The following SERGEF variants were observed in gnomAD, a reference collection of about 807,000 sequenced individuals.
SERGEF encodes secretion regulating guanine nucleotide exchange factor.
In SERGEF, 51 loss-of-function variants were observed where a neutral mutation model predicts 50.0. That is an observed-to-expected ratio of 1.02 (90% CI 0.81 to 1.29). The LOEUF is 1.29. SERGEF is among the 50% of genes most tolerant of loss of function. SERGEF has a pLI of 0.00. For missense variants in SERGEF, 521 were observed against 557.0 expected (o/e 0.94, Z 0.65); for synonymous variants, 205 against 212.4 (o/e 0.97, Z 0.30).
intron 9 of SERGEF, among the ~76,000 whole-genome samples, chr11:17,953,896 C>T (rs1427466649): frequency 3.9e-5 from 6 of 152,206 alleles, no homozygotes; most frequent in Admixed American, 3.9e-4. Context: ...ATCCGGTCCA[C>T]CACTTTGAGG....
At chr11:17,890,254 A>T (rs1851508646) in intron 9 of SERGEF, among the ~76,000 whole-genome samples, 1 of 152,170 alleles carries the variant, frequency 6.6e-6, no homozygotes, top group African/African-American at 2.4e-5. Context: ...ATACAGGAGA[A>T]CTGAGCAAGT....
chr11:17,878,297 T>C, intron 9 of SERGEF, 53 bp from the exon 10 acceptor site: 1 of 1,385,710 alleles, frequency 7.2e-7, no homozygotes, highest in South Asian at 1.3e-5. Flanking sequence ...AGCCAGTATA[T>C]TTTATAATCA....
At chr11:17,944,576 C>T (rs1852620241) in intron 9 of SERGEF, among the ~76,000 whole-genome samples, 1 of 152,150 alleles carries the variant, frequency 6.6e-6, no homozygotes. Context: ...TGGTCACTCT[C>T]CATTTCCTTC....
At chr11:17,798,238 T>G (rs1849603304) in intron 10 of SERGEF, among the ~76,000 whole-genome samples, 1 of 152,108 alleles carries the variant, frequency 6.6e-6, no homozygotes, top group Non-Finnish European at 1.5e-5. Flanking sequence ...TGTCAATCAC[T>G]TTCCCTCTAC....
intron 1 of SERGEF, chr11:18,010,182 T>C (rs936719115): frequency 1.2e-6 from 1 of 825,714 alleles, no homozygotes; most frequent in Non-Finnish European, 1.7e-6. Flanking sequence ...AACAAATACA[T>C]ATATACATAC....
chr11:18,004,949 G>A lies in SERGEF; in HGVS notation c.353-414C>T, dbSNP rs553797985. 1.4e-4 allele frequency among the ~76,000 whole-genome samples: 22 copies of A among 152,304 alleles called. No individual in the cohort carries two copies. In the South Asian group the frequency reaches 4.4e-3, roughly 30 times the overall value. On this transcript the variant is annotated intron_variant, in intron 3 of 10. Transcript: ENST00000265965. ...ACCAACTGGTGAGTTTAGGAGATGG[G>A]ACAGGACATGTGTGGCTTGGCACCT...
chr11:17,911,355 A>T (rs888750226), intron 9 of SERGEF, among the ~76,000 whole-genome samples: 2 of 146,196 alleles, frequency 1.4e-5, no homozygotes, highest in South Asian at 2.1e-4. Flanking sequence ...TAATATATAT[A>T]TTTTATATAT....
chr11:17,844,898 T>TA lies in SERGEF; in HGVS notation c.1048+33309dup, dbSNP rs201938217. 5.4e-3 allele frequency among the ~76,000 whole-genome samples: 731 copies of TA among 135,840 alleles called. 3 individuals carry two copies. Among genetic ancestry groups the TA allele is most frequent in the African/African-American group, 0.013 (472 of 36,160 alleles). The allele number at this position is 135,840 out of a possible 152,430, so 89.1% of individuals were successfully genotyped here. On this transcript the variant is annotated intron_variant, in intron 10 of 10. Transcript: ENST00000265965. ...GTACACTAACAACAGCTAATGAGCT[T>TA]AAAAAAAAACAAAACAAAACAAACA...
intron 9 of SERGEF, among the ~76,000 whole-genome samples, chr11:17,894,378 A>G (rs1433937220): frequency 6.6e-6 from 1 of 152,230 alleles, no homozygotes. Flanking sequence ...TCCACATTTT[A>G]TAGATTAACT....
At chr11:17,799,019 C>T (rs1849616715) in intron 10 of SERGEF, among the ~76,000 whole-genome samples, 1 of 152,170 alleles carries the variant, frequency 6.6e-6, no homozygotes, top group Non-Finnish European at 1.5e-5. Context: ...GCACACAGCA[C>T]CTTCGGATCT....
At chr11:17,820,579 T>C (rs1850062577) in intron 10 of SERGEF, among the ~76,000 whole-genome samples, 1 of 152,196 alleles carries the variant, frequency 6.6e-6, no homozygotes, top group South Asian at 2.1e-4. Flanking sequence ...ATGAGGATGA[T>C]AAAACCTACC....
chr11:17,801,629 G>GA (rs1418480011), intron 10 of SERGEF, among the ~76,000 whole-genome samples: 5 of 152,194 alleles, frequency 3.3e-5, no homozygotes, highest in African/African-American at 1.2e-4. Flanking sequence ...GCTTGGGGGA[G>GA]AAAATCAAGA....
At chr11:18,001,943 T>C (rs1217951563) in intron 4 of SERGEF, 2 of 455,796 alleles carry the variant, frequency 4.4e-6, no homozygotes, top group East Asian at 6.9e-5. Flanking sequence ...GAGTCTTATA[T>C]ACCTTTATGC....
At chr11:17,890,719 A>T (rs1851517354) in intron 9 of SERGEF, among the ~76,000 whole-genome samples, 1 of 152,162 alleles carries the variant, frequency 6.6e-6, no homozygotes, top group Non-Finnish European at 1.5e-5. Flanking sequence ...CACTGCGCCT[A>T]GCTGATTTTT....
At chr11:17,834,940 C>G (rs1213772186) in intron 10 of SERGEF, among the ~76,000 whole-genome samples, 1 of 152,178 alleles carries the variant, frequency 6.6e-6, no homozygotes, top group Non-Finnish European at 1.5e-5. Flanking sequence ...CTGTGTGTGT[C>G]TCCTACCCAC....
chr11:17,938,522 G>A (rs1253904593), intron 9 of SERGEF, among the ~76,000 whole-genome samples: 5 of 151,994 alleles, frequency 3.3e-5, no homozygotes, highest in Non-Finnish European at 5.9e-5. Flanking sequence ...AGCTCCTCAG[G>A]GACCCTAGAC....
chr11:17,949,925 T>C (rs1461711364), intron 9 of SERGEF, among the ~76,000 whole-genome samples: 1 of 152,156 alleles, frequency 6.6e-6, no homozygotes, highest in Non-Finnish European at 1.5e-5. Context: ...TAGGTAGTAG[T>C]TGTCCAAGGA....
At chr11:17,830,430 T>A (rs1590140947) in intron 10 of SERGEF, among the ~76,000 whole-genome samples, 2 of 152,166 alleles carry the variant, frequency 1.3e-5, no homozygotes, top group Admixed American at 1.3e-4. Flanking sequence ...ATAATAGACG[T>A]TTATTGGTTT....
At chr11:17,816,394 G>A (rs535196809) in intron 10 of SERGEF, among the ~76,000 whole-genome samples, 1 of 152,286 alleles carries the variant, frequency 6.6e-6, no homozygotes, top group East Asian at 1.9e-4. Flanking sequence ...AAGCAGGGCT[G>A]CCAAGATGAG....
Sources: gnomAD v4.1 joint callset for allele counts (sites outside exome capture counted in the v4.1 genomes callset) on GRCh38, gnomAD v4.1.1 for gene constraint, MANE v1.5 for transcripts, NCBI Gene and HGNC (gene_info 2026-07-23, HGNC 2026-07-21) for gene names.